VPS13B: variants seen among roughly 807,000 people sequenced by gnomAD.
VPS13B encodes intermembrane lipid transfer protein VPS13B.
Under a neutral mutation model 426.4 loss-of-function variants are expected in VPS13B, and 285 were observed. The ratio of observed to expected loss-of-function variants is 0.67; its 90% CI spans 0.61 to 0.74. The LOEUF (loss-of-function observed/expected upper bound fraction) is 0.74, where lower values mean the gene tolerates loss of function less well. Ranked by LOEUF, VPS13B falls within the 30% of genes least tolerant of loss-of-function variation. The pLI, the probability that VPS13B is intolerant of heterozygous loss-of-function variation, is 0.00. For synonymous variants in VPS13B, 1,676 were observed against 1,676.4 expected, an observed-to-expected ratio of 1.00 and a Z score of 0.01; for missense variants, 4,537 against 4,782.6, an observed-to-expected ratio of 0.95 and a Z score of 1.51.
intron 17 of VPS13B, among the ~76,000 whole-genome samples, chr8:99,219,274 G>C (rs947151062): frequency 6.6e-6 from 1 of 152,188 alleles, no homozygotes; most frequent in Admixed American, 6.5e-5. Context: ...CCACTGAATA[G>C]CTGGAGCTAA....
intron 39 of VPS13B, among the ~76,000 whole-genome samples, chr8:99,744,668 T>C (rs554250144): frequency 2.6e-5 from 4 of 152,228 alleles, no homozygotes; most frequent in South Asian, 4.1e-4. Flanking sequence ...ATGTCCTTTG[T>C]AGGGACATGG....
At chr8:99,050,566 G>T (rs908797319) in intron 3 of VPS13B, among the ~76,000 whole-genome samples, 9 of 152,128 alleles carry the variant, frequency 5.9e-5, no homozygotes, top group African/African-American at 1.9e-4. Flanking sequence ...GGATGGCTGG[G>T]TCAAATGGTA....
At chr8:99,406,697 T>A (rs1268551375) in intron 21 of VPS13B, among the ~76,000 whole-genome samples, 2 of 152,144 alleles carry the variant, frequency 1.3e-5, no homozygotes, top group African/African-American at 4.8e-5. Context: ...TCTGTGCTAG[T>A]GGGTTGGGGA....
At chr8:99,837,637 A>T (rs552764825) in intron 54 of VPS13B, among the ~76,000 whole-genome samples, 1 of 152,146 alleles carries the variant, frequency 6.6e-6, no homozygotes, top group Non-Finnish European at 1.5e-5. Context: ...CAGCAGTCTC[A>T]TGTTCCCATT....
Position 99,619,817 on chromosome 8 carries a change from G to T in VPS13B, c.5221-21994G>T, listed in dbSNP as rs186862206. ...GCTTGGGAAGTGGAGGTTGTATGCA[G>T]TGTGCTGAGATTGTGCCACTAAACT... On this transcript the variant is annotated intron_variant, in intron 33 of 61. Coordinates refer to ENST00000357162, the MANE Select transcript of VPS13B (RefSeq NM_152564.5). 2.6e-5 allele frequency among the ~76,000 whole-genome samples: 4 copies of T among 151,970 alleles called. No homozygotes were observed. In the East Asian group the frequency reaches 7.7e-4, roughly 29 times the overall value.
At chr8:99,248,051 A>C (rs1161371526) in intron 17 of VPS13B, among the ~76,000 whole-genome samples, 1 of 152,234 alleles carries the variant, frequency 6.6e-6, no homozygotes, top group East Asian at 1.9e-4. Context: ...CTTTAAAGTA[A>C]TATAAAACTG....
rs1473314720 is a variant in VPS13B at position 99,121,307 on chromosome 8, T to C, written c.1068T>C (p.Ile356=). 2 of 1,613,980 alleles carry C rather than the reference T, an allele frequency of 1.2e-6. No homozygotes were observed. The highest frequency in any genetic ancestry group is 2.7e-5 in the African/African-American group (2 of 74,878). Residue 356 remains isoleucine, a synonymous_variant, in exon 8 of 62, where the codon ATT becomes ATC. Coordinates refer to ENST00000357162, the MANE Select transcript of VPS13B (RefSeq NM_152564.5). ...GGGCCTGGTCCTTTGTGCCTGCAAT[T>C]GTGAGTTATGACGATGGCGAGGAAG... ...VSWAWSFVPA[I]VSYDDGEEDF...
At chr8:99,457,642 T>C (rs2133479275) in intron 23 of VPS13B, among the ~76,000 whole-genome samples, 1 of 152,254 alleles carries the variant, frequency 6.6e-6, no homozygotes, top group East Asian at 1.9e-4. Context: ...GTGTTTAGTT[T>C]TATCTTATTA....
intron 30 of VPS13B, among the ~76,000 whole-genome samples, chr8:99,551,052 A>G (rs1563791334): frequency 6.6e-6 from 1 of 152,028 alleles, no homozygotes. Context: ...CTCATCACAC[A>G]TATTATGTTT....
intron 43 of VPS13B, among the ~76,000 whole-genome samples, chr8:99,800,559 T>C (rs1813071388): frequency 6.6e-6 from 1 of 152,168 alleles, no homozygotes; most frequent in Non-Finnish European, 1.5e-5. Flanking sequence ...CATTAAATCT[T>C]TTTGCAAAAA....
At chr8:99,287,301 G>A (rs1336178251) in intron 19 of VPS13B, among the ~76,000 whole-genome samples, 1 of 151,414 alleles carries the variant, frequency 6.6e-6, no homozygotes. Context: ...CCTCCGTACT[G>A]TATAGATAGA....
chr8:99,401,329 A>G (rs1018806085), intron 21 of VPS13B, among the ~76,000 whole-genome samples: 3 of 152,198 alleles, frequency 2.0e-5, no homozygotes, highest in African/African-American at 7.2e-5. Flanking sequence ...GAATATTTTT[A>G]AAGTGTGTAT....
chr8:99,136,731 A>G lies in VPS13B; in HGVS notation c.1630A>G (p.Met544Val), dbSNP rs1810089322. ...TTTTTATATGGATTACCTGTATACA[A>G]TGGAGAACACTAGTGGCAAAGGTAT... The part of the protein sequence containing the change: ...GAFYMDYLYT[M>V]ENTSGKGSTN... The change falls in exon 12 of 62, where the codon ATG becomes GTG. Residue 544 changes from methionine (M) to valine (V), a missense_variant. Coordinates refer to ENST00000357162, the MANE Select transcript of VPS13B (RefSeq NM_152564.5). 4 of 1,613,498 alleles carry G rather than the reference A, an allele frequency of 2.5e-6. No homozygotes were observed. Among genetic ancestry groups the G allele is most frequent in the East Asian group, 2.2e-5 (1 of 44,804 alleles).
rs200232124 is a variant in VPS13B at position 99,854,070 on chromosome 8, C to T, written c.10681C>T (p.Arg3561Trp). The T allele has an allele frequency of 5.0e-6, 8 of 1,613,360 alleles. No homozygotes were observed. Among genetic ancestry groups the T allele is most frequent in the Admixed American group, 3.3e-5 (2 of 59,974 alleles). ...GGCCTTGGTGAATCCTGTGAAGTTA[C>T]GGAAACTGGTGATCCAGCCAGTAAA... ...ARALVNPVKLRKLVIQPVNLL... is the reference protein window; with the variant it reads ...ARALVNPVKLWKLVIQPVNLL... The change falls in exon 56 of 62, where the codon CGG (arginine) becomes TGG (tryptophan). Residue 3561 changes from arginine to tryptophan, a missense_variant. Arg to Trp is a moderately radical substitution (Grantham distance 101). Transcript: ENST00000357162.
intron 17 of VPS13B, chr8:99,209,797 A>C (rs1814968122): frequency 2.3e-4 from 200 of 861,062 alleles, no homozygotes; most frequent in South Asian, 2.7e-4. Context: ...AGGAAGTCTC[A>C]AAGAGAAATT....
At chr8:99,050,877 G>A (rs1843508309) in intron 3 of VPS13B, among the ~76,000 whole-genome samples, 2 of 152,020 alleles carry the variant, frequency 1.3e-5, no homozygotes, top group African/African-American at 4.8e-5. Context: ...TTTTTGATGG[G>A]GTTGTTTTTT....
Position 99,717,307 on chromosome 8 carries a change from C to T in VPS13B, c.6591C>T (p.Ser2197=), listed in dbSNP as rs774730061. 3.0e-5 allele frequency: 49 copies of T among 1,613,780 alleles called. No homozygotes were observed. The East Asian group carries it at 3.3e-4, about 11-fold the overall frequency. The change falls in exon 37 of 62, where the codon AGC becomes AGT. Residue 2197 remains serine, a synonymous_variant. Coordinates refer to ENST00000357162, the MANE Select transcript of VPS13B (RefSeq NM_152564.5). ...TGGAAGCTAAGTGGTGTAAACACAG[C>T]GGGAATCCAGGCCCAGAACAATCCA... The part of the protein sequence containing the change: ...ANLEAKWCKH[S]GNPGPEQSIP...
At chr8:99,665,150 C>T (rs1830431091) in intron 35 of VPS13B, among the ~76,000 whole-genome samples, 1 of 152,140 alleles carries the variant, frequency 6.6e-6, no homozygotes, top group East Asian at 1.9e-4. Context: ...CCTTCGCCCA[C>T]TGTTTGATGG....
chr8:99,772,020 T>C (rs74676806), intron 40 of VPS13B, among the ~76,000 whole-genome samples: 5,629 of 152,334 alleles, frequency 0.037, 154 homozygotes, highest in Non-Finnish European at 0.053. Context: ...TATTTTCTTT[T>C]AGGTGGTGAT....
Sources: gnomAD v4.1 joint callset for allele counts (sites outside exome capture counted in the v4.1 genomes callset) on GRCh38, gnomAD v4.1.1 for gene constraint, MANE v1.5 for transcripts, NCBI Gene and HGNC (gene_info 2026-07-23, HGNC 2026-07-21) for gene names.